Variants in TELO2 observed in about 807,000 individuals in gnomAD.
TELO2 encodes the protein telomere maintenance 2.
A neutral mutation model predicts 91.0 loss-of-function variants in TELO2; 71 were observed. That is an observed-to-expected ratio of 0.78 (90% CI 0.64 to 0.95). The LOEUF (loss-of-function observed/expected upper bound fraction) is 0.95, where lower values mean the gene tolerates loss of function less well. TELO2 is among the 40% of genes least tolerant of loss of function. TELO2 has a pLI of 0.00. For synonymous variants in TELO2, 584 were observed against 518.9 expected, an observed-to-expected ratio of 1.13 and a Z score of -1.71; for missense variants, 1,183 against 1,141.3, an observed-to-expected ratio of 1.04 and a Z score of -0.53.
At position 1,497,739 on chromosome 16, in the gene TELO2, C is replaced by T. The variant is rs2039545808; in HGVS notation, c.830+231C>T. On this transcript the variant is annotated intron_variant, in intron 5 of 20. Transcript: ENST00000262319. This position sits in a 1 kb window ranked among gnomAD's most constrained non-coding sequence, Gnocchi z 4.0. ...TAGCATCGATGCTGTGAACAGCCCACACCGTAAAGGCGCCTGTACCTTGGG... is the reference window on the plus strand; with the variant it reads ...TAGCATCGATGCTGTGAACAGCCCATACCGTAAAGGCGCCTGTACCTTGGG... Among the ~76,000 whole-genome samples the T allele has an allele frequency of 6.6e-6, 1 of 152,192 alleles. No individual in the cohort carries two copies. Among genetic ancestry groups the T allele is most frequent in the African/African-American group, 2.4e-5 (1 of 41,448 alleles).
chr16:1,502,810 C>T, intron 14 of TELO2, 49 bp downstream of exon 14: 1 of 1,604,248 alleles, frequency 6.2e-7, no homozygotes. Flanking sequence ...CAGCGGGAAG[C>T]ACTGGGAGCT....
chr16:1,501,761 C>T lies in TELO2; in HGVS notation c.1460C>T (p.Ser487Leu), dbSNP rs554618494. ...CAAGCACAGCTGGCGGGCTCTGACT[C>T]GGACCTGGACAGGTAGGGGCTCTGC... ...VPQAQLAGSD[S>L]DLDSDDEFVP... Residue 487 changes from serine to leucine, a missense_variant, in exon 11 of 21, where the codon TCG (serine) becomes TTG (leucine). Physicochemically the swap from Ser to Leu is moderately radical, Grantham distance 145. Coordinates refer to ENST00000262319, the MANE Select transcript of TELO2 (RefSeq NM_016111.4). 1.7e-5 allele frequency: 27 copies of T among 1,608,940 alleles called. No homozygotes were observed. Among genetic ancestry groups the T allele is most frequent in the South Asian group, 4.4e-5 (4 of 91,028 alleles).
rs770696909 is a variant in TELO2, at chr16:1,495,444, C to T, written c.434C>T (p.Thr145Met). 19 of 1,604,058 alleles carry T rather than the reference C, an allele frequency of 1.2e-5. No homozygotes were observed. In the East Asian group the frequency reaches 2.9e-4, roughly 25 times the overall value. Residue 145 changes from threonine (T) to methionine (M), a missense_variant, in exon 3 of 21, where the codon ACG (threonine) becomes ATG (methionine). Physicochemically the swap from Thr to Met is moderately conservative, Grantham distance 81. Coordinates refer to ENST00000262319, the MANE Select transcript of TELO2 (RefSeq NM_016111.4). The part of the protein sequence containing the change: ...VLMEAQCRQQ[T>M]QPGFILLRET... Reference sequence around the variant, plus strand: ...ATGGAGGCGCAGTGTCGGCAGCAGACGCAGCCCGGCTTCATCCTGCTCCGG... The same window carrying T: ...ATGGAGGCGCAGTGTCGGCAGCAGATGCAGCCCGGCTTCATCCTGCTCCGG...
At position 1,509,904 on chromosome 16, in the gene TELO2, A is replaced by T. The variant is rs780223337; in HGVS notation, c.2482A>T (p.Lys828Ter). Residue 828 changes from lysine to a stop codon, truncating the protein, a stop_gained, in exon 21 of 21, where the codon AAG becomes TAG. Transcript: ENST00000262319. LOFTEE classifies it low-confidence loss of function (END_TRUNC). ...LRALLLLQRL[K>*]NRLLPPASP is the part of the protein sequence containing the mutation. ...GGCCCTGCTGCTTCTGCAGAGACTC[A>T]AGAACAGGCTCCTCCCACCCGCGTC... is the stretch of plus-strand genomic sequence containing the variant. The T allele has an allele frequency of 2.5e-6, 4 of 1,609,512 alleles. No homozygotes were observed. The highest frequency in any genetic ancestry group is 3.4e-6 in the Non-Finnish European group (4 of 1,178,464).
In TELO2 at chr16:1,505,483, G is replaced by A. The variant is rs767794865; in HGVS notation, c.1916G>A (p.Ser639Asn). The change falls in exon 16 of 21, where the codon AGT (serine) becomes AAT (asparagine). Residue 639 changes from serine (S) to asparagine (N), a missense_variant. Physicochemically the swap from Ser to Asn is conservative, Grantham distance 46. Transcript: ENST00000262319. This position sits in a 1 kb window ranked among gnomAD's most constrained non-coding sequence, Gnocchi z 4.3. ...AGGACTCCCCAACCTGGCTCCCCAA[G>A]TCCCAACACCCCGTGCCTGCCAGAG... Reference protein sequence around the residue: ...LGRTPQPGSPSPNTPCLPEAA... With the variant: ...LGRTPQPGSPNPNTPCLPEAA... The A allele has an allele frequency of 6.2e-7, 1 of 1,613,032 alleles. No individual in the cohort carries two copies. The highest frequency in any genetic ancestry group is 1.3e-5 in the African/African-American group (1 of 74,940).
intron 3 of TELO2, 75 bp downstream of exon 3, chr16:1,495,698 T>C: frequency 4.0e-6 from 6 of 1,507,076 alleles, no homozygotes; most frequent in Non-Finnish European, 5.3e-6. Flanking sequence ...CTCTGGTGCC[T>C]CACGGCCTCT....
intron 3 of TELO2, among the ~76,000 whole-genome samples, chr16:1,496,128 CCCTT>C (rs1245580856): frequency 3.9e-5 from 6 of 152,220 alleles, no homozygotes; most frequent in African/African-American, 1.4e-4. Flanking sequence ...GCAGGGTGAC[CCCTT>C]CCTTCTCTTG....
In TELO2 at chr16:1,505,647, TG is replaced by T; in HGVS notation, c.2034+49del. 1.3e-6 allele frequency: 1 copy of T among 768,028 alleles called. No homozygotes were observed. Among genetic ancestry groups the T allele is most frequent in the Non-Finnish European group, 2.1e-6 (1 of 471,092 alleles). The allele number at this position is 768,028 out of a possible 1,614,324, so 47.6% of individuals were successfully genotyped here. A position where few individuals can be genotyped will look rare whatever the true frequency, so the allele number is the denominator to read the frequency against. ...TCCTCACGGGCATGGGGACCGTGGG[TG>T]GGTGGGAAGGGCGGTCAGACACCTC... On this transcript the variant is annotated intron_variant, in intron 16 of 20. Transcript: ENST00000262319. This position sits in a 1 kb window ranked among gnomAD's most constrained non-coding sequence, Gnocchi z 4.3.
chr16:1,497,386 C>G lies in TELO2; in HGVS notation c.708C>G (p.Pro236=). The change falls in exon 5 of 21, where the codon CCC becomes CCG. Residue 236 remains proline, a synonymous_variant. Transcript: ENST00000262319. This position sits in a 1 kb window ranked among gnomAD's most constrained non-coding sequence, Gnocchi z 4.0. ...RQQEILGVLV[P]RLAALTQGSY... ...AGGAGATCCTGGGCGTGCTGGTACCCCGGCTGGCAGCGCTCACCCAGGGCA... is the reference window on the plus strand; with the variant it reads ...AGGAGATCCTGGGCGTGCTGGTACCGCGGCTGGCAGCGCTCACCCAGGGCA... 6.5e-7 allele frequency: 1 copy of G among 1,549,416 alleles called. No individual in the cohort carries two copies. Among genetic ancestry groups the G allele is most frequent in the Non-Finnish European group, 8.7e-7 (1 of 1,146,718 alleles).
rs2039710240 is a variant in TELO2, at chr16:1,502,119, C to T, written c.1545C>T (p.Val515=). The change falls in exon 12 of 21, where the codon GTC becomes GTT. Residue 515 remains valine, a synonymous_variant. Transcript: ENST00000262319. The stretch of plus-strand genomic sequence containing the variant: ...AGAGCAGCAAGGCTCCTGCCTACGT[C>T]CGGGACTGCGTGGAAGGTGGGCACG... ...ELKSSKAPAY[V]RDCVEALTTS... is the part of the protein sequence containing the mutation. The T allele has an allele frequency of 6.2e-7, 1 of 1,613,028 alleles. No individual in the cohort carries two copies. The highest frequency in any genetic ancestry group is 2.2e-5 in the East Asian group (1 of 44,884).
intron 3 of TELO2, among the ~76,000 whole-genome samples, chr16:1,496,602 G>A (rs1038343333): frequency 6.6e-6 from 1 of 152,154 alleles, no homozygotes; most frequent in Admixed American, 6.5e-5. Context: ...GGTACAGCCC[G>A]GCCCCTCCCG....
intron 15 of TELO2, among the ~76,000 whole-genome samples, chr16:1,504,433 CAAAAAA>C (rs1197074771): frequency 3.7e-5 from 1 of 26,924 alleles, no homozygotes; most frequent in East Asian, 9.9e-4. Flanking sequence ...GACTCCATCT[CAAAAAA>C]AAAAAAAAAA....
At position 1,497,243 on chromosome 16, in the gene TELO2, T is replaced by C; in HGVS notation, c.683-118T>C. On this transcript the variant is annotated intron_variant, in intron 4 of 20. Coordinates refer to ENST00000262319, the MANE Select transcript of TELO2 (RefSeq NM_016111.4). This position sits in a 1 kb window ranked among gnomAD's most constrained non-coding sequence, Gnocchi z 4.0. Reference sequence around the variant, plus strand: ...CCGGTCCTGTCCTGGGCCCGTGGGATCTGGGGCTCAGCTGTGCTTACTGGG... The same window carrying C: ...CCGGTCCTGTCCTGGGCCCGTGGGACCTGGGGCTCAGCTGTGCTTACTGGG... 6.7e-7 allele frequency: 1 copy of C among 1,493,112 alleles called. No homozygotes were observed. 92.5% of individuals were successfully genotyped at this position (1,493,112 alleles called of 1,614,324 possible).
chr16:1,501,535 C>T (rs1473503132), intron 10 of TELO2, 36 bp downstream of exon 10: 2 of 1,587,268 alleles, frequency 1.3e-6, no homozygotes, highest in African/African-American at 2.7e-5. Context: ...CCACCGCGTG[C>T]ACATCTTACT....
intron 16 of TELO2, among the ~76,000 whole-genome samples, 172 bp from the exon 17 acceptor site, chr16:1,506,066 G>A (rs1380977128): frequency 1.3e-5 from 2 of 152,218 alleles, no homozygotes; most frequent in Non-Finnish European, 2.9e-5. Flanking sequence ...CGGAGCCTGA[G>A]TCCCGTCACC....
At chr16:1,496,610 C>T (rs1255091614) in intron 3 of TELO2, among the ~76,000 whole-genome samples, 1 of 152,218 alleles carries the variant, frequency 6.6e-6, no homozygotes, top group African/African-American at 2.4e-5. Context: ...CCGGCCCCTC[C>T]CGGTTCCCCA....
At chr16:1,507,971 C>T (rs73495686) in intron 20 of TELO2, among the ~76,000 whole-genome samples, 13,892 of 149,020 alleles carry the variant, frequency 0.093, 875 homozygotes, top group African/African-American at 0.17. Flanking sequence ...TGCCATGACT[C>T]CTTGGGACCC....
At chr16:1,501,346 G>A (rs1206664957) in intron 9 of TELO2, 74 bp from the exon 10 acceptor site, 9 of 1,499,438 alleles carry the variant, frequency 6.0e-6, no homozygotes, top group Non-Finnish European at 8.2e-6. Context: ...AGTGGGGAGT[G>A]GCTCCCGTGG....
Position 1,497,633 on chromosome 16 carries a change from C to A in TELO2, c.830+125C>A. 1 of 1,327,160 alleles carries A rather than the reference C, an allele frequency of 7.5e-7. No individual in the cohort carries two copies. The highest frequency in any genetic ancestry group is 1.0e-6 in the Non-Finnish European group (1 of 994,138). 82.2% of individuals were successfully genotyped at this position (1,327,160 alleles called of 1,614,324 possible). A position where few individuals can be genotyped will look rare whatever the true frequency, so the allele number is the denominator to read the frequency against. Reference sequence around the variant, plus strand: ...AGCTGGCACCCCCATGTAGGTGCCACAGGGTGTGGGTGGTGCCCTCTCAGT... The same window carrying A: ...AGCTGGCACCCCCATGTAGGTGCCAAAGGGTGTGGGTGGTGCCCTCTCAGT... On this transcript the variant is annotated intron_variant, in intron 5 of 20. Transcript: ENST00000262319. This position sits in a 1 kb window ranked among gnomAD's most constrained non-coding sequence, Gnocchi z 4.0.
Sources: allele counts gnomAD v4.1 joint callset (sites outside exome capture counted in the v4.1 genomes callset), GRCh38; gene constraint gnomAD v4.1.1; non-coding constraint Gnocchi (gnomAD v3.1); transcripts MANE v1.5; gene names NCBI Gene and HGNC (gene_info 2026-07-23, HGNC 2026-07-21).